The following FEM1C variants were observed in gnomAD, a reference collection of about 807,000 sequenced individuals.
FEM1C encodes the protein protein fem-1 homolog C.
A neutral mutation model predicts 37.6 loss-of-function variants in FEM1C; 15 were observed. That is an observed-to-expected ratio of 0.40 (90% CI 0.27 to 0.61). The LOEUF is 0.61. Ranked by LOEUF, FEM1C falls within the 20% of genes least tolerant of loss-of-function variation. The pLI is 0.42. For missense variants in FEM1C, 532 were observed against 749.7 expected (o/e 0.71, Z 3.39); for synonymous variants, 287 against 272.8 (o/e 1.05, Z -0.51).
chr5:115,524,445 T>A lies in FEM1C; in HGVS notation c.1717A>T (p.Ile573Leu). Residue 573 changes from isoleucine to leucine, a missense_variant, in exon 3 of 3, where the codon ATA becomes TTA. By Grantham distance (5) the Ile-to-Leu change is conservative. Coordinates refer to ENST00000274457, the MANE Select transcript of FEM1C (RefSeq NM_020177.3). Reference sequence around the variant, plus strand: ...ATAGGCTGGATTAAATTTTTAGCTATTTCCTTCTCATCCAGCAAGTCACTA... The same window carrying A: ...ATAGGCTGGATTAAATTTTTAGCTAATTCCTTCTCATCCAGCAAGTCACTA... ...TASDLLDEKE[I>L]AKNLIQPINH... The A allele has an allele frequency of 1.9e-6, 3 of 1,613,410 alleles. No homozygotes were observed. Among genetic ancestry groups the A allele is most frequent in the Non-Finnish European group, 2.5e-6 (3 of 1,179,662 alleles).
intron 2 of FEM1C, among the ~76,000 whole-genome samples, chr5:115,536,000 T>A (rs1266148243): frequency 2.0e-5 from 3 of 151,976 alleles, no homozygotes; most frequent in Non-Finnish European, 4.4e-5. Context: ...TTAAATTAAA[T>A]GTCCAGAACA....
intron 2 of FEM1C, among the ~76,000 whole-genome samples, chr5:115,528,000 A>AG (rs1491477346): frequency 1.2e-4 from 13 of 112,144 alleles, no homozygotes; most frequent in Admixed American, 2.8e-4. Flanking sequence ...ACTTCGTCTC[A>AG]GAAAAAAAAA....
intron 2 of FEM1C, among the ~76,000 whole-genome samples, chr5:115,541,177 T>C (rs1405472052): frequency 6.6e-6 from 1 of 152,060 alleles, no homozygotes; most frequent in Non-Finnish European, 1.5e-5. Flanking sequence ...TAAAGAGCTA[T>C]AATTGGTAAT....
chr5:115,543,239 G>T lies in FEM1C; in HGVS notation c.255C>A (p.Pro85=). 1.9e-6 allele frequency: 3 copies of T among 1,614,166 alleles called. No individual in the cohort carries two copies. The highest frequency in any genetic ancestry group is 2.5e-6 in the Non-Finnish European group (3 of 1,180,012). ...CTGCTGCAGAAGCGGCCCATAAAGGGGGAGCCCCCTCAATGGTTTCGCCAT... is the reference window on the plus strand; with the variant it reads ...CTGCTGCAGAAGCGGCCCATAAAGGTGGAGCCCCCTCAATGGTTTCGCCAT... ...NFDGETIEGA[P]PLWAASAAGH... Residue 85 remains proline, a synonymous_variant, in exon 2 of 3, where the codon CCC becomes CCA. Transcript: ENST00000274457.
chr5:115,534,680 C>A (rs1754087228), intron 2 of FEM1C, among the ~76,000 whole-genome samples: 1 of 151,892 alleles, frequency 6.6e-6, no homozygotes, highest in Non-Finnish European at 1.5e-5. Flanking sequence ...ATTTAACAAA[C>A]ACAGTAGATT....
At position 115,524,729 on chromosome 5, in the gene FEM1C, C is replaced by T. The variant is rs1398132241; in HGVS notation, c.1433G>A (p.Arg478Lys). The T allele has an allele frequency of 1.3e-6, 2 of 1,541,926 alleles. No homozygotes were observed. Among genetic ancestry groups the T allele is most frequent in the East Asian group, 2.3e-5 (1 of 44,436 alleles). Residue 478 changes from arginine to lysine, a missense_variant, in exon 3 of 3, where the codon AGG (arginine) becomes AAG (lysine). Transcript: ENST00000274457. ...TIYRFLKLHP[R>K]GKNNFSPLHL... is the part of the protein sequence containing the mutation. ...AAGAGGGCTGAAGTTATTCTTTCCCCTTGGATGCAGCTTAAGAAACCTGTA... is the reference window on the plus strand; with the variant it reads ...AAGAGGGCTGAAGTTATTCTTTCCCTTTGGATGCAGCTTAAGAAACCTGTA...
chr5:115,539,904 T>C (rs973910895), intron 2 of FEM1C, among the ~76,000 whole-genome samples: 7 of 152,056 alleles, frequency 4.6e-5, no homozygotes, highest in Non-Finnish European at 1.0e-4. Flanking sequence ...AGAGGTTAAA[T>C]AACATGTTCA....
At chr5:115,542,228 C>T (rs929809402) in intron 2 of FEM1C, among the ~76,000 whole-genome samples, 1 of 152,162 alleles carries the variant, frequency 6.6e-6, no homozygotes, top group African/African-American at 2.4e-5. Context: ...CAATCAAAAA[C>T]CGGAGCCCTT....
Position 115,525,443 on chromosome 5 carries a change from C to A in FEM1C, c.719G>T (p.Ser240Ile). The A allele has an allele frequency of 6.2e-7, 1 of 1,613,622 alleles. No homozygotes were observed. Among genetic ancestry groups the A allele is most frequent in the Non-Finnish European group, 8.5e-7 (1 of 1,179,760 alleles). ...VDFLTHHAQTSKTERINALEL... is the reference protein window; with the variant it reads ...VDFLTHHAQTIKTERINALEL... ...TAGAGCATTAATACGTTCTGTCTTGCTGGTCTGTGCATGGTGTGTCAGAAA... is the reference window on the plus strand; with the variant it reads ...TAGAGCATTAATACGTTCTGTCTTGATGGTCTGTGCATGGTGTGTCAGAAA... Residue 240 changes from serine (S) to isoleucine (I), a missense_variant, in exon 3 of 3, where the codon AGC becomes ATC. Physicochemically the swap from Ser to Ile is moderately radical, Grantham distance 142. Around this residue, in one of 3 missense-constraint regions of FEM1C, gnomAD observed 221 missense variants for 404.1 expected, o/e 0.55. Coordinates refer to ENST00000274457, the MANE Select transcript of FEM1C (RefSeq NM_020177.3).
rs1176371569 is a variant in FEM1C, at chr5:115,524,833, A to C, written c.1329T>G (p.Ser443=). The part of the protein sequence containing the change: ...ADPLQLNKAL[S]IILHLICLLE... ...ACAAGCAAATTAAGTGCAAAATAAT[A>C]GAAAGGGCCTTATTTAACTGTAATG... Residue 443 remains serine, a synonymous_variant, in exon 3 of 3, where the codon TCT becomes TCG. Coordinates refer to ENST00000274457, the MANE Select transcript of FEM1C (RefSeq NM_020177.3). 5 of 1,609,280 alleles carry C rather than the reference A, an allele frequency of 3.1e-6. No homozygotes were observed. The highest frequency in any genetic ancestry group is 4.2e-6 in the Non-Finnish European group (5 of 1,178,278).
chr5:115,527,119 C>T (rs553947571), intron 2 of FEM1C, among the ~76,000 whole-genome samples: 31 of 152,176 alleles, frequency 2.0e-4, no homozygotes, highest in East Asian at 7.7e-4. Flanking sequence ...ACTTCACCTG[C>T]GGCTTTACCC....
rs1443990968 is a variant in FEM1C, at chr5:115,523,660, G to C, written c.*648C>G. On this transcript the variant is annotated 3_prime_UTR_variant, in exon 3 of 3. Coordinates refer to ENST00000274457, the MANE Select transcript of FEM1C (RefSeq NM_020177.3). ...GCTCTAAAAATTGTCATGCTACAGA[G>C]TACTTTCAAAAAATTAAGTTTGTAA... The C allele has an allele frequency of 1.3e-5, 2 of 152,506 alleles. No homozygotes were observed. The highest frequency in any genetic ancestry group is 2.9e-5 in the Non-Finnish European group (2 of 67,984). 9.4% of individuals were successfully genotyped at this position (152,506 alleles called of 1,614,324 possible).
intron 2 of FEM1C, among the ~76,000 whole-genome samples, chr5:115,528,148 G>A (rs527650552): frequency 1.3e-5 from 2 of 151,288 alleles, no homozygotes; most frequent in South Asian, 4.2e-4. Flanking sequence ...CAATAAGGAA[G>A]ACTTTCACAT....
intron 2 of FEM1C, among the ~76,000 whole-genome samples, chr5:115,526,453 C>T (rs1753895827): frequency 6.6e-6 from 1 of 152,050 alleles, no homozygotes; most frequent in Non-Finnish European, 1.5e-5. Context: ...TATAGCTGTA[C>T]TAAATGTTCT....
At chr5:115,540,238 T>C (rs537340603) in intron 2 of FEM1C, among the ~76,000 whole-genome samples, 73 of 152,200 alleles carry the variant, frequency 4.8e-4, no homozygotes, top group African/African-American at 1.8e-3. Flanking sequence ...AATGAGAGAA[T>C]GAGCAGTGAA....
In FEM1C at chr5:115,543,215, T is replaced by C. The variant is rs777192773; in HGVS notation, c.279A>G (p.Ala93=). 2 of 1,614,262 alleles carry C rather than the reference T, an allele frequency of 1.2e-6. No homozygotes were observed. The highest frequency in any genetic ancestry group is 1.7e-6 in the Non-Finnish European group (2 of 1,180,046). Residue 93 remains alanine, a synonymous_variant, in exon 2 of 3, where the codon GCA becomes GCG. Transcript: ENST00000274457. ...AGGACTGGACCACCTTCAGATGTCC[T>C]GCTGCAGAAGCGGCCCATAAAGGGG... is the stretch of plus-strand genomic sequence containing the variant. ...GAPPLWAASA[A]GHLKVVQSLL...
rs1258982047 is a variant in FEM1C at position 115,544,520 on chromosome 5, T to A, written c.-191+3A>T. 6.5e-6 allele frequency: 1 copy of A among 153,688 alleles called. No homozygotes were observed. Among genetic ancestry groups the A allele is most frequent in the Non-Finnish European group, 1.4e-5 (1 of 69,226 alleles). 9.5% of individuals were successfully genotyped at this position (153,688 alleles called of 1,614,324 possible). ...CCTGGCAGGCCGCTGCCGCCGCCACTACCTGCCCGGGGACTAGTCCTCCCC... is the reference window on the plus strand; with the variant it reads ...CCTGGCAGGCCGCTGCCGCCGCCACAACCTGCCCGGGGACTAGTCCTCCCC... On this transcript the variant is annotated splice_donor_region_variant and intron_variant, in intron 1 of 2. Coordinates refer to ENST00000274457, the MANE Select transcript of FEM1C (RefSeq NM_020177.3).
intron 2 of FEM1C, among the ~76,000 whole-genome samples, chr5:115,526,201 C>G (rs1233016791): frequency 6.6e-6 from 1 of 152,024 alleles, no homozygotes; most frequent in East Asian, 1.9e-4. Flanking sequence ...CATTTTGACT[C>G]TAATAGTAGT....
intron 1 of FEM1C, 82 bp from the exon 2 acceptor site, chr5:115,543,765 A>ACCACCG: frequency 8.1e-7 from 1 of 1,240,056 alleles, no homozygotes; most frequent in South Asian, 2.2e-5. Flanking sequence ...CTTCTGTGGG[A>ACCACCG]AGAAAGGAAT....
Sources: gnomAD v4.1 joint callset for allele counts (sites outside exome capture counted in the v4.1 genomes callset) on GRCh38, gnomAD v4.1.1 for gene constraint, gnomAD v4.1.1 regional missense constraint, MANE v1.5 for transcripts, NCBI Gene and HGNC (gene_info 2026-07-23, HGNC 2026-07-21) for gene names.